KCNIP4: variants seen among roughly 807,000 people sequenced by gnomAD.
KCNIP4 encodes Kv channel-interacting protein 4.
KCNIP4 carries 12 observed loss-of-function variants against 34.0 expected under a neutral mutation model. That is an observed-to-expected ratio of 0.35 (90% CI 0.23 to 0.57). The LOEUF (loss-of-function observed/expected upper bound fraction) is 0.57, where lower values mean the gene tolerates loss of function less well. KCNIP4 is among the 20% of genes least tolerant of loss of function. KCNIP4 has a pLI of 0.83. For synonymous variants in KCNIP4, 124 were observed against 102.2 expected (o/e 1.21, Z -1.29); for missense variants, 238 against 311.7 (o/e 0.76, Z 1.78).
At chr4:21,869,923 A>T (rs1362555796) in intron 1 of KCNIP4, among the ~76,000 whole-genome samples, 4 of 152,190 alleles carry the variant, frequency 2.6e-5, no homozygotes, top group Non-Finnish European at 5.9e-5. Flanking sequence ...GCCAGTCTAA[A>T]CGCATTTAAA....
chr4:20,802,422 C>T (rs1714448003), intron 3 of KCNIP4, among the ~76,000 whole-genome samples: 1 of 151,778 alleles, frequency 6.6e-6, no homozygotes, highest in Non-Finnish European at 1.5e-5. Context: ...AACTTTAATA[C>T]TCTTTTCAGT....
In KCNIP4 at chr4:21,677,062, T is replaced by G. The variant is rs146057059; in HGVS notation, c.61+271509A>C. On this transcript the variant is annotated intron_variant, in intron 1 of 8. Transcript: ENST00000382152. ...TACAGAAGTACCTTAAGATCAGAGA[T>G]ATAGATTATGAAAGCAGTCCATTAA... is the stretch of plus-strand genomic sequence containing the variant. Among the ~76,000 whole-genome samples the G allele has an allele frequency of 2.0e-5, 3 of 150,604 alleles. No individual in the cohort carries two copies. The East Asian group carries it at 5.9e-4, about 29-fold the overall frequency.
chr4:21,541,994 C>G (rs1267214450), intron 1 of KCNIP4, among the ~76,000 whole-genome samples: 1 of 152,192 alleles, frequency 6.6e-6, no homozygotes, highest in Non-Finnish European at 1.5e-5. Flanking sequence ...TTAGTTAATA[C>G]TGCTCCTTTT....
intron 1 of KCNIP4, among the ~76,000 whole-genome samples, chr4:21,756,740 A>C (rs1207508716): frequency 6.6e-6 from 1 of 152,078 alleles, no homozygotes; most frequent in African/African-American, 2.4e-5. Context: ...AAAATCAATG[A>C]ACACTCCTGA....
chr4:21,054,119 T>C (rs984906333), intron 1 of KCNIP4, among the ~76,000 whole-genome samples: 3 of 152,110 alleles, frequency 2.0e-5, no homozygotes, highest in Admixed American at 2.0e-4. Context: ...GACAAAAGTT[T>C]ATATGGAGAG....
chr4:21,135,961 A>G (rs1233557141), intron 1 of KCNIP4, among the ~76,000 whole-genome samples: 4 of 152,226 alleles, frequency 2.6e-5, no homozygotes, highest in Non-Finnish European at 5.9e-5. Context: ...GCAGTCAGTC[A>G]TAACTGTTAC....
chr4:21,349,678 C>A (rs928539160), intron 1 of KCNIP4, among the ~76,000 whole-genome samples: 1 of 152,140 alleles, frequency 6.6e-6, no homozygotes, highest in Non-Finnish European at 1.5e-5. Context: ...ATGGCAGCCA[C>A]CAGAGCCCTG....
intron 1 of KCNIP4, among the ~76,000 whole-genome samples, chr4:21,019,347 G>A (rs1739837866): frequency 6.6e-6 from 1 of 151,790 alleles, no homozygotes; most frequent in Admixed American, 6.6e-5. Context: ...TAGTAAAGAC[G>A]GGGTTTCACC....
At chr4:21,525,631 A>G (rs1735907842) in intron 1 of KCNIP4, among the ~76,000 whole-genome samples, 1 of 152,158 alleles carries the variant, frequency 6.6e-6, no homozygotes, top group Non-Finnish European at 1.5e-5. Flanking sequence ...AGAATACAGC[A>G]GTGCTCATGT....
chr4:21,064,888 C>T (rs944172787), intron 1 of KCNIP4, among the ~76,000 whole-genome samples: 3 of 152,110 alleles, frequency 2.0e-5, no homozygotes. Flanking sequence ...CAGATAGTAG[C>T]CAATGCACAA....
intron 3 of KCNIP4, among the ~76,000 whole-genome samples, chr4:20,780,914 A>G (rs1051285992): frequency 6.6e-6 from 1 of 152,216 alleles, no homozygotes; most frequent in African/African-American, 2.4e-5. Flanking sequence ...AATTTATACC[A>G]GAATAGTATT....
intron 1 of KCNIP4, among the ~76,000 whole-genome samples, chr4:21,458,329 T>C (rs919723327): frequency 6.6e-6 from 1 of 151,934 alleles, no homozygotes; most frequent in Non-Finnish European, 1.5e-5. Context: ...GAACTCATCA[T>C]ATTTTATGGC....
chr4:20,936,727 GA>G (rs11340483), intron 1 of KCNIP4, among the ~76,000 whole-genome samples: 19,967 of 152,074 alleles, frequency 0.13, 1,839 homozygotes, highest in African/African-American at 0.27. Context: ...CAACAGGATG[GA>G]AAAAAGCGTG....
At chr4:20,916,269 C>G (rs936754686) in intron 1 of KCNIP4, 3 of 965,276 alleles carry the variant, frequency 3.1e-6, no homozygotes, top group Non-Finnish European at 3.7e-6. Flanking sequence ...TCTCTGACCT[C>G]CACCCACATT....
At chr4:21,575,883 A>G (rs1740710114) in intron 1 of KCNIP4, among the ~76,000 whole-genome samples, 1 of 152,196 alleles carries the variant, frequency 6.6e-6, no homozygotes, top group Non-Finnish European at 1.5e-5. Flanking sequence ...TGATCTGCCA[A>G]TGCAGACAAC....
intron 3 of KCNIP4, among the ~76,000 whole-genome samples, chr4:20,836,850 G>C (rs1243556777): frequency 6.7e-6 from 1 of 150,228 alleles, no homozygotes; most frequent in African/African-American, 2.5e-5. Context: ...ATCCACAGGA[G>C]TCTCTTTCAT....
At chr4:21,029,713 C>T (rs1740841929) in intron 1 of KCNIP4, among the ~76,000 whole-genome samples, 1 of 152,138 alleles carries the variant, frequency 6.6e-6, no homozygotes, top group Non-Finnish European at 1.5e-5. Flanking sequence ...TTGCTGTCAG[C>T]ATCATGTCTA....
chr4:20,850,177 C>T (rs551238903), intron 3 of KCNIP4: 16 of 168,788 alleles, frequency 9.5e-5, no homozygotes, highest in Admixed American at 8.2e-4. Flanking sequence ...CCTTGATAGG[C>T]CTCAATCTAC....
intron 1 of KCNIP4, among the ~76,000 whole-genome samples, chr4:21,045,890 A>ATAATTTT (rs1742384174): frequency 6.6e-6 from 1 of 152,196 alleles, no homozygotes; most frequent in Non-Finnish European, 1.5e-5. Context: ...TTATTATCTG[A>ATAATTTT]GAAATTTGAT....
Sources: allele counts gnomAD v4.1 joint callset (sites outside exome capture counted in the v4.1 genomes callset), GRCh38; gene constraint gnomAD v4.1.1; transcripts MANE v1.5; gene names NCBI Gene and HGNC (gene_info 2026-07-23, HGNC 2026-07-21).